The following SLC11A1 variants were observed in gnomAD, a reference collection of about 807,000 sequenced individuals.
SLC11A1 encodes natural resistance-associated macrophage protein 1.
A neutral mutation model predicts 63.2 loss-of-function variants in SLC11A1; 59 were observed. The ratio of observed to expected loss-of-function variants is 0.93; its 90% CI spans 0.76 to 1.16. The LOEUF (loss-of-function observed/expected upper bound fraction) is 1.16. Among genes scored for constraint, SLC11A1 ranks in the 50% most tolerant of loss-of-function variants. The probability of loss-of-function intolerance (pLI) is 0.00; values close to 1 mark genes in which losing one functional copy is unlikely to be tolerated. For missense variants in SLC11A1, 688 were observed against 730.7 expected (o/e 0.94, Z 0.67); for synonymous variants, 305 against 307.8 (o/e 0.99, Z 0.09).
At chr2:218,390,161 C>T in intron 9 of SLC11A1, 133 bp downstream of exon 9, 1 of 885,868 alleles carries the variant, frequency 1.1e-6, no homozygotes, top group East Asian at 2.6e-5. Flanking sequence ...TGGCAGATAT[C>T]ATTCATTCAG....
Position 218,384,930 on chromosome 2 carries a change from T to A in SLC11A1, c.274-217T>A. ...AGAGATGGGGGTCTCACTATGTTGCTCAGGCTGCTCTTGAACTCCTGGACT... is the reference window on the plus strand; with the variant it reads ...AGAGATGGGGGTCTCACTATGTTGCACAGGCTGCTCTTGAACTCCTGGACT... On this transcript the variant is annotated intron_variant, in intron 3 of 14. Coordinates refer to ENST00000233202, the MANE Select transcript of SLC11A1 (RefSeq NM_000578.4). The surrounding 1 kb of genome is among the most constrained non-coding windows in gnomAD (Gnocchi z 4.0). 1.9e-6 allele frequency: 1 copy of A among 526,456 alleles called. No individual in the cohort carries two copies. The highest frequency in any genetic ancestry group is 3.4e-6 in the Non-Finnish European group (1 of 292,258). 32.6% of individuals were successfully genotyped at this position (526,456 alleles called of 1,614,324 possible).
intron 13 of SLC11A1, chr2:218,394,414 C>T (rs1696637117): frequency 2.9e-6 from 2 of 694,384 alleles, no homozygotes; most frequent in Admixed American, 2.8e-5. Context: ...CTCACTCTCG[C>T]CTCAGACTCA....
In SLC11A1 at chr2:218,391,159, G is replaced by C. The variant is rs768960217; in HGVS notation, c.955-39G>C. The stretch of plus-strand genomic sequence containing the variant: ...AGTCCAGTTTCCCAAGGCTGAGCGT[G>C]CTCCTCACATCTTCCTTCTACTGCC... On this transcript the variant is annotated intron_variant, in intron 9 of 14. Coordinates refer to ENST00000233202, the MANE Select transcript of SLC11A1 (RefSeq NM_000578.4). 4 of 1,580,272 alleles carry C rather than the reference G, an allele frequency of 2.5e-6. No homozygotes were observed. In the Admixed American group the frequency reaches 5.0e-5, roughly 20 times the overall value.
At chr2:218,389,293 T>A (rs188371126) in intron 8 of SLC11A1, among the ~76,000 whole-genome samples, 4 of 151,848 alleles carry the variant, frequency 2.6e-5, no homozygotes, top group Admixed American at 2.6e-4. Flanking sequence ...AGCTTAACAG[T>A]GGCTCACACC....
At chr2:218,389,018 G>T (rs1696282259) in intron 8 of SLC11A1, among the ~76,000 whole-genome samples, 1 of 152,028 alleles carries the variant, frequency 6.6e-6, no homozygotes, top group Admixed American at 6.6e-5. Context: ...TTACTCAGGA[G>T]GTTGAGGCTT....
chr2:218,388,293 G>C (rs1434789516), intron 8 of SLC11A1: 6 of 235,662 alleles, frequency 2.5e-5, no homozygotes, highest in Non-Finnish European at 5.0e-5. Context: ...GCTTGAACCC[G>C]GGAGGCAGAG....
chr2:218,387,323 C>A, intron 6 of SLC11A1, 93 bp downstream of exon 6: 1 of 1,230,392 alleles, frequency 8.1e-7, no homozygotes, highest in South Asian at 1.4e-5. Context: ...GGGAGCGCAC[C>A]TGAGCTCCCT....
At position 218,387,599 on chromosome 2, in the gene SLC11A1, T is replaced by G; in HGVS notation, c.606T>G (p.Leu202=). The G allele has an allele frequency of 6.2e-7, 1 of 1,614,208 alleles. No individual in the cohort carries two copies. The highest frequency in any genetic ancestry group is 1.3e-5 in the African/African-American group (1 of 75,054). ...LRKLEAFFGL[L]ITIMALTFGY... is the part of the protein sequence containing the mutation. ...AGCTGGAAGCTTTTTTTGGACTCCT[T>G]ATAACCATTATGGCCTTGACCTTTG... The change falls in exon 7 of 15, where the codon CTT becomes CTG. Residue 202 remains leucine (L), a synonymous_variant. Coordinates refer to ENST00000233202, the MANE Select transcript of SLC11A1 (RefSeq NM_000578.4).
intron 4 of SLC11A1, 149 bp from the exon 5 acceptor site, chr2:218,386,486 C>T: frequency 3.4e-6 from 2 of 583,414 alleles, no homozygotes; most frequent in Admixed American, 3.0e-5. Context: ...TCTGCCTTTC[C>T]ATCTCCTGTA....
Position 218,393,146 on chromosome 2 carries a change from C to T in SLC11A1, c.1314+16C>T. The T allele has an allele frequency of 6.5e-7, 1 of 1,544,298 alleles. No homozygotes were observed. The highest frequency in any genetic ancestry group is 8.7e-7 in the Non-Finnish European group (1 of 1,149,742). On this transcript the variant is annotated intron_variant, in intron 12 of 14. Coordinates refer to ENST00000233202, the MANE Select transcript of SLC11A1 (RefSeq NM_000578.4). ...GAGCCTGCTGGTGAGATGCGCCAAC[C>T]CCACCAGCCCTGCCCACTGCTGAGC...
Position 218,396,706 on chromosome 2 carries a change from AAGG to A in SLC11A1, c.*1677_*1679del, listed in dbSNP as rs1334983004. 4.6e-5 allele frequency: 7 copies of A among 152,536 alleles called. No individual in the cohort carries two copies. The highest frequency in any genetic ancestry group is 2.1e-4 in the South Asian group (1 of 4,856). 9.4% of individuals were successfully genotyped at this position (152,536 alleles called of 1,614,324 possible). A position where few individuals can be genotyped will look rare whatever the true frequency, so the allele number is the denominator to read the frequency against. On this transcript the variant is annotated 3_prime_UTR_variant, in exon 15 of 15. Coordinates refer to ENST00000233202, the MANE Select transcript of SLC11A1 (RefSeq NM_000578.4). ...GGAGAAGATGGGTCCATGCCAGCTGAAGGAGGAGATGGATGGGGGACGTTTAGC... is the reference window on the plus strand; with the variant it reads ...GGAGAAGATGGGTCCATGCCAGCTGAAGGAGATGGATGGGGGACGTTTAGC...
At chr2:218,393,158 G>C in intron 12 of SLC11A1, 28 bp downstream of exon 12, 1 of 1,516,986 alleles carries the variant, frequency 6.6e-7, no homozygotes, top group South Asian at 1.2e-5. Context: ...CACCAGCCCT[G>C]CCCACTGCTG....
chr2:218,387,986 C>T, intron 8 of SLC11A1, 31 bp downstream of exon 8: 2 of 1,557,198 alleles, frequency 1.3e-6, no homozygotes, highest in Non-Finnish European at 1.7e-6. Context: ...AGGAGACCCC[C>T]TCACTCAGTC....
At position 218,386,679 on chromosome 2, in the gene SLC11A1, G is replaced by A; in HGVS notation, c.438G>A (p.Val146=). 1 of 1,614,080 alleles carries A rather than the reference G, an allele frequency of 6.2e-7. No homozygotes were observed. The highest frequency in any genetic ancestry group is 8.5e-7 in the Non-Finnish European group (1 of 1,180,008). The change falls in exon 5 of 15, where the codon GTG becomes GTA. Residue 146 remains valine, a synonymous_variant. Coordinates refer to ENST00000233202, the MANE Select transcript of SLC11A1 (RefSeq NM_000578.4). ...VLWLTIELAI[V]GSDMQEVIGT... is the part of the protein sequence containing the mutation. The stretch of plus-strand genomic sequence containing the variant: ...GGCTGACCATCGAGCTAGCCATTGT[G>A]GGCTCCGACATGCAGGAAGTCATCG...
In SLC11A1 at chr2:218,387,871, C is replaced by T; in HGVS notation, c.711C>T (p.Gly237=). ...TCCTGCCCTCGTGCCCGGGCTGCGG[C>T]CACCCCGAGCTGCTGCAGGCGGTGG... ...GLFLPSCPGC[G]HPELLQAVGI... is the part of the protein sequence containing the mutation. Residue 237 remains glycine (G), a synonymous_variant, in exon 8 of 15, where the codon GGC becomes GGT. Coordinates refer to ENST00000233202, the MANE Select transcript of SLC11A1 (RefSeq NM_000578.4). 3 of 1,602,312 alleles carry T rather than the reference C, an allele frequency of 1.9e-6. No individual in the cohort carries two copies. The highest frequency in any genetic ancestry group is 4.5e-5 in the East Asian group (2 of 44,352).
At position 218,391,514 on chromosome 2, in the gene SLC11A1, C is replaced by A. The variant is rs757692811; in HGVS notation, c.1164+19C>A. On this transcript the variant is annotated intron_variant, in intron 11 of 14. Transcript: ENST00000233202. ...GATGGAGGTAGGGCAGGGGGCGGGCCCAGGAGGGCAAGGGGTCCAAGGACA... is the reference window on the plus strand; with the variant it reads ...GATGGAGGTAGGGCAGGGGGCGGGCACAGGAGGGCAAGGGGTCCAAGGACA... The A allele has an allele frequency of 5.1e-6, 8 of 1,566,346 alleles. No individual in the cohort carries two copies. The South Asian group carries it at 9.3e-5, about 18-fold the overall frequency.
chr2:218,392,905 A>T, intron 11 of SLC11A1, 76 bp from the exon 12 acceptor site: 1 of 1,216,338 alleles, frequency 8.2e-7, no homozygotes, highest in Non-Finnish European at 1.1e-6. Flanking sequence ...AAATCGGTTG[A>T]GGGACTACAG....
intron 2 of SLC11A1, 22 bp downstream of exon 2, chr2:218,383,124 G>T: frequency 6.2e-7 from 1 of 1,611,828 alleles, no homozygotes; most frequent in Non-Finnish European, 8.5e-7. Flanking sequence ...GAAACTTCCT[G>T]GGGGCTTGCA....
chr2:218,383,225 A>G, intron 2 of SLC11A1, 123 bp downstream of exon 2: 2 of 1,038,996 alleles, frequency 1.9e-6, no homozygotes, highest in Non-Finnish European at 2.8e-6. Context: ...TCTGAGCAGC[A>G]GTGGTGGACA....
Sources: allele counts gnomAD v4.1 joint callset (sites outside exome capture counted in the v4.1 genomes callset), GRCh38; gene constraint gnomAD v4.1.1; non-coding constraint Gnocchi (gnomAD v3.1); transcripts MANE v1.5; gene names NCBI Gene and HGNC (gene_info 2026-07-23, HGNC 2026-07-21).